HUNK: variants seen among roughly 807,000 people sequenced by gnomAD.
HUNK encodes hormonally up-regulated neu tumor-associated kinase.
A neutral mutation model predicts 61.0 loss-of-function variants in HUNK; 21 were observed. The observed-to-expected ratio is 0.34, with a 90% CI of 0.24 to 0.50. HUNK has a LOEUF of 0.50. HUNK is among the 20% of genes least tolerant of loss of function. The pLI is 0.98. For synonymous variants in HUNK, 371 were observed against 386.1 expected (o/e 0.96, Z 0.46); for missense variants, 772 against 945.7 (o/e 0.82, Z 2.41).
rs1461364843 is a variant in HUNK, at chr21:31,892,571, A to G, written c.261+18636A>G. 7.3e-4 allele frequency among the ~76,000 whole-genome samples: 14 copies of G among 19,094 alleles called. No individual in the cohort carries two copies. In the South Asian group the frequency reaches 7.8e-3, roughly 11 times the overall value. 12.5% of individuals were successfully genotyped at this position (19,094 alleles called of 152,430 possible). A position where few individuals can be genotyped will look rare whatever the true frequency, so the allele number is the denominator to read the frequency against. ...GGCAAAAGAGCCAGACTCTCTCTGA[A>G]AAAAAAAAAAAAAAAAGGAAAGAAA... On this transcript the variant is annotated intron_variant, in intron 1 of 10. Transcript: ENST00000270112.
chr21:31,973,561 G>A (rs1338176706), intron 6 of HUNK, among the ~76,000 whole-genome samples: 2 of 147,890 alleles, frequency 1.4e-5, no homozygotes, highest in Admixed American at 1.3e-4. Flanking sequence ...CATAGCCATT[G>A]GATGATGGTG....
intron 3 of HUNK, among the ~76,000 whole-genome samples, chr21:31,942,648 A>C (rs1473823165): frequency 6.6e-6 from 1 of 152,118 alleles, no homozygotes; most frequent in Non-Finnish European, 1.5e-5. Flanking sequence ...ATTTTATTCA[A>C]ATCTCTCAGA....
At chr21:31,878,275 A>G (rs184299112) in intron 1 of HUNK, among the ~76,000 whole-genome samples, 4,664 of 151,104 alleles carry the variant, frequency 0.031, 281 homozygotes, top group African/African-American at 0.11. Context: ...AAAAAAAAAA[A>G]AAAGAGTTTA....
At chr21:31,917,369 G>A (rs1051982463) in intron 1 of HUNK, among the ~76,000 whole-genome samples, 1 of 152,028 alleles carries the variant, frequency 6.6e-6, no homozygotes, top group Non-Finnish European at 1.5e-5. Flanking sequence ...ATTTTTGTGA[G>A]ATGAGGTTTC....
At chr21:31,965,516 C>T (rs766561985) in intron 5 of HUNK, among the ~76,000 whole-genome samples, 9 of 151,360 alleles carry the variant, frequency 5.9e-5, no homozygotes, top group Admixed American at 2.0e-4. Flanking sequence ...GAGTATCCAG[C>T]GATAACACTT....
intron 4 of HUNK, among the ~76,000 whole-genome samples, chr21:31,956,279 C>T (rs552436257): frequency 2.0e-5 from 3 of 152,294 alleles, no homozygotes; most frequent in African/African-American, 7.2e-5. Flanking sequence ...TAGAATCGCC[C>T]TGGATGGAAC....
chr21:31,886,358 G>A lies in HUNK; in HGVS notation c.261+12423G>A, dbSNP rs1430170638. 5.3e-5 allele frequency among the ~76,000 whole-genome samples: 8 copies of A among 151,444 alleles called. No individual in the cohort carries two copies. The South Asian group carries it at 6.3e-4, about 12-fold the overall frequency. ...AATCACATGAACCTGGCTGGGAGGC[G>A]GACGTTGCAGCGAGCCGAGATTGCG... On this transcript the variant is annotated intron_variant, in intron 1 of 10. Coordinates refer to ENST00000270112, the MANE Select transcript of HUNK (RefSeq NM_014586.2).
chr21:31,885,039 A>G (rs1178031427), intron 1 of HUNK, among the ~76,000 whole-genome samples: 2 of 152,050 alleles, frequency 1.3e-5, no homozygotes. Context: ...CAGCCTCCCA[A>G]AGTGCTGGGA....
At chr21:31,995,081 C>T (rs535810642) in intron 9 of HUNK, among the ~76,000 whole-genome samples, 5 of 150,608 alleles carry the variant, frequency 3.3e-5, no homozygotes, top group Non-Finnish European at 5.9e-5. Context: ...ATCACTTGAG[C>T]CCAGGAGCTC....
chr21:31,981,914 C>A (rs559614635), intron 7 of HUNK, among the ~76,000 whole-genome samples: 15 of 151,150 alleles, frequency 9.9e-5, no homozygotes, highest in Non-Finnish European at 1.5e-5. Context: ...TTTTCTTCAA[C>A]TTTTATTTTA....
chr21:31,985,928 C>T (rs527497798), intron 8 of HUNK, among the ~76,000 whole-genome samples: 179 of 152,200 alleles, frequency 1.2e-3, no homozygotes, highest in African/African-American at 4.2e-3. Flanking sequence ...TTAGCCTTGA[C>T]CCCAGGCTGG....
At chr21:31,905,891 A>G (rs1255165920) in intron 1 of HUNK, among the ~76,000 whole-genome samples, 1 of 152,200 alleles carries the variant, frequency 6.6e-6, no homozygotes, top group African/African-American at 2.4e-5. Context: ...AGGTTTATTG[A>G]GGACCTCCTG....
At chr21:31,979,515 CTTTTTTTTTTTTT>C (rs71193166) in intron 7 of HUNK, among the ~76,000 whole-genome samples, 21 of 34,356 alleles carry the variant, frequency 6.1e-4, no homozygotes, top group Non-Finnish European at 9.7e-4. Context: ...TGTTTGCATT[CTTTTTTTTTTTTT>C]TTTTTTTTTT....
Position 31,989,633 on chromosome 21 carries a change from G to A in HUNK, c.1258-496G>A, listed in dbSNP as rs556942682. Among the ~76,000 whole-genome samples, 195 of 147,748 alleles carry A rather than the reference G, an allele frequency of 1.3e-3. 1 individual carries two copies. Among genetic ancestry groups the A allele is most frequent in the Admixed American group, 2.3e-3 (34 of 14,594 alleles). ...GGTGGCTGAGGCAGGAGAATCGCTT[G>A]AACCTGGGAAGCAGAGGTTGCAGTG... is the stretch of plus-strand genomic sequence containing the variant. On this transcript the variant is annotated intron_variant, in intron 8 of 10. Coordinates refer to ENST00000270112, the MANE Select transcript of HUNK (RefSeq NM_014586.2).
chr21:31,933,856 G>T lies in HUNK; in HGVS notation c.555-6309G>T, dbSNP rs2052714918. ...ACAGGGGGAGCTCTTCAGACGGCAG[G>T]ACTGAAGGAAGATCCTCCCACTTCC... On this transcript the variant is annotated intron_variant, in intron 2 of 10. Transcript: ENST00000270112. Among the ~76,000 whole-genome samples the T allele has an allele frequency of 3.3e-5, 5 of 151,672 alleles. No individual in the cohort carries two copies. The South Asian group carries it at 1.0e-3, about 32-fold the overall frequency.
chr21:31,952,693 G>T (rs1237347374), intron 4 of HUNK, among the ~76,000 whole-genome samples: 2 of 151,680 alleles, frequency 1.3e-5, no homozygotes, highest in Non-Finnish European at 2.9e-5. Context: ...TCATAAGTAA[G>T]GGCCCTTTTC....
At chr21:31,980,359 C>T (rs1057160860) in intron 7 of HUNK, among the ~76,000 whole-genome samples, 16 of 148,900 alleles carry the variant, frequency 1.1e-4, no homozygotes, top group Non-Finnish European at 1.6e-4. Context: ...CGTGAGCCAC[C>T]GCACCAGGCC....
chr21:31,954,921 T>TA (rs144553868), intron 4 of HUNK, among the ~76,000 whole-genome samples: 24 of 152,116 alleles, frequency 1.6e-4, no homozygotes, highest in Non-Finnish European at 3.5e-4. Context: ...AGTTGGGACT[T>TA]ACAGGCGCAT....
At chr21:31,956,587 C>T (rs945317510) in intron 4 of HUNK, among the ~76,000 whole-genome samples, 2 of 152,212 alleles carry the variant, frequency 1.3e-5, no homozygotes, top group African/African-American at 4.8e-5. Flanking sequence ...CACCCCTAAC[C>T]TGTCTCTCCT....
Sources: allele counts gnomAD v4.1 joint callset (sites outside exome capture counted in the v4.1 genomes callset), GRCh38; gene constraint gnomAD v4.1.1; transcripts MANE v1.5; gene names NCBI Gene and HGNC (gene_info 2026-07-23, HGNC 2026-07-21).